The following ANKRD12 variants were observed in gnomAD, a reference collection of about 807,000 sequenced individuals.
ANKRD12 encodes the protein ankyrin repeat domain 12, also known as ankyrin repeat domain-containing protein 12.
ANKRD12 carries 85 observed loss-of-function variants against 183.4 expected under a neutral mutation model. That is an observed-to-expected ratio of 0.46 (90% CI 0.39 to 0.56). ANKRD12 has a LOEUF of 0.56. Ranked by LOEUF, ANKRD12 falls within the 20% of genes least tolerant of loss-of-function variation. The pLI is 0.00. For missense variants in ANKRD12, 2,405 were observed against 2,357.1 expected (o/e 1.02, Z -0.42); for synonymous variants, 914 against 800.2 (o/e 1.14, Z -2.40).
At chr18:9,138,260 C>G (rs535345938) in intron 1 of ANKRD12, among the ~76,000 whole-genome samples, 1 of 152,330 alleles carries the variant, frequency 6.6e-6, no homozygotes, top group Admixed American at 6.5e-5. Flanking sequence ...TGCCTATAAT[C>G]CCAGCACTTT....
chr18:9,184,425 C>G (rs961666390), intron 2 of ANKRD12, among the ~76,000 whole-genome samples: 5 of 151,768 alleles, frequency 3.3e-5, no homozygotes, highest in Admixed American at 2.6e-4. Context: ...GAATTTTGCT[C>G]TCTTACCCAG....
At chr18:9,254,089 T>A in intron 8 of ANKRD12, 122 bp from the exon 9 acceptor site, 1 of 1,103,404 alleles carries the variant, frequency 9.1e-7, no homozygotes. Context: ...AAATCTGAAG[T>A]GATTATGAAT....
intron 11 of ANKRD12, among the ~76,000 whole-genome samples, chr18:9,278,808 G>A (rs971795505): frequency 5.9e-5 from 9 of 151,966 alleles, no homozygotes; most frequent in African/African-American, 2.2e-4. Flanking sequence ...AAATGTGAGT[G>A]TGGGAGCTAC....
At chr18:9,173,067 ATTTTTTTT>A (rs35322750) in intron 1 of ANKRD12, among the ~76,000 whole-genome samples, 1 of 122,238 alleles carries the variant, frequency 8.2e-6, no homozygotes, top group Admixed American at 8.2e-5. Flanking sequence ...GAGGTTGCTG[ATTTTTTTT>A]TTTTTTTTTT....
Position 9,257,157 on chromosome 18 carries a change from T to C in ANKRD12, c.3890T>C (p.Ile1297Thr). ...TCTTCTGTAGAAGATGTTAAACTAA[T>C]TATAAGCGAGGGGAGACCTACCATA... Reference protein sequence around the residue: ...RSSSVEDVKLIISEGRPTIEV... With the variant: ...RSSSVEDVKLTISEGRPTIEV... Residue 1297 changes from isoleucine (I) to threonine (T), a missense_variant, in exon 9 of 13, where the codon ATT (isoleucine) becomes ACT (threonine). Coordinates refer to ENST00000262126, the MANE Select transcript of ANKRD12 (RefSeq NM_015208.5). 5 of 1,614,142 alleles carry C rather than the reference T, an allele frequency of 3.1e-6. No homozygotes were observed. Among genetic ancestry groups the C allele is most frequent in the South Asian group, 2.2e-5 (2 of 91,080 alleles).
intron 8 of ANKRD12, among the ~76,000 whole-genome samples, chr18:9,250,967 G>T (rs1203638868): frequency 6.6e-6 from 1 of 152,120 alleles, no homozygotes; most frequent in African/African-American, 2.4e-5. Context: ...ATCCAGGTTA[G>T]TTGACTAGAA....
intron 8 of ANKRD12, among the ~76,000 whole-genome samples, chr18:9,237,678 G>C (rs2037425813): frequency 6.6e-6 from 1 of 152,028 alleles, no homozygotes; most frequent in Admixed American, 6.5e-5. Flanking sequence ...AATGAACAGT[G>C]TTTTTAAAAT....
intron 1 of ANKRD12, among the ~76,000 whole-genome samples, chr18:9,165,924 A>G (rs535537620): frequency 1.4e-5 from 2 of 139,670 alleles, no homozygotes; most frequent in East Asian, 2.2e-4. Flanking sequence ...CCTGTGTCCA[A>G]GTGTTCTCAT....
chr18:9,204,388 G>A (rs2035361239), intron 3 of ANKRD12, 88 bp from the exon 4 acceptor site: 5 of 875,208 alleles, frequency 5.7e-6, no homozygotes, highest in Admixed American at 4.7e-5. Flanking sequence ...TTATTAACTG[G>A]TGGTCTTTTG....
At chr18:9,157,585 G>GTGTGTGTATATATATA (rs1472659778) in intron 1 of ANKRD12, among the ~76,000 whole-genome samples, 36 of 92,672 alleles carry the variant, frequency 3.9e-4, no homozygotes, top group African/African-American at 1.8e-3. Context: ...GTGTGTGTGT[G>GTGTGTGTATATATATA]TATATATATA....
chr18:9,189,954 TAAA>T (rs1289747726), intron 2 of ANKRD12, among the ~76,000 whole-genome samples: 1 of 152,216 alleles, frequency 6.6e-6, no homozygotes, highest in Non-Finnish European at 1.5e-5. Context: ...CAAGTCTTAT[TAAA>T]GAAGTATGCT....
intron 8 of ANKRD12, among the ~76,000 whole-genome samples, chr18:9,226,952 C>T (rs187803892): frequency 2.0e-5 from 3 of 152,122 alleles, no homozygotes; most frequent in African/African-American, 4.8e-5. Context: ...AATACCTGCT[C>T]CTAGACTGGA....
At chr18:9,174,601 G>T (rs1387150842) in intron 1 of ANKRD12, among the ~76,000 whole-genome samples, 1 of 152,302 alleles carries the variant, frequency 6.6e-6, no homozygotes, top group East Asian at 1.9e-4. Context: ...TTGGCTGGGG[G>T]TGGGGGTTCC....
At chr18:9,221,662 G>A (rs1031752783) in intron 7 of ANKRD12, among the ~76,000 whole-genome samples, 190 bp from the exon 8 acceptor site, 29 of 152,182 alleles carry the variant, frequency 1.9e-4, no homozygotes, top group African/African-American at 6.7e-4. Context: ...TAGTAGTTGA[G>A]GTTATCAGAT....
intron 1 of ANKRD12, among the ~76,000 whole-genome samples, chr18:9,168,976 T>C (rs1456130455): frequency 6.6e-6 from 1 of 152,234 alleles, no homozygotes; most frequent in Admixed American, 6.5e-5. Context: ...TTTCATTATT[T>C]ACCCAGTAGT....
chr18:9,230,688 T>C (rs1380723726), intron 8 of ANKRD12, among the ~76,000 whole-genome samples: 3 of 151,856 alleles, frequency 2.0e-5, no homozygotes, highest in Non-Finnish European at 4.4e-5. Flanking sequence ...AGACAGAGTC[T>C]AGCTCTGTTG....
chr18:9,188,045 T>G, intron 2 of ANKRD12, among the ~76,000 whole-genome samples: 1 of 152,224 alleles, frequency 6.6e-6, no homozygotes, highest in African/African-American at 2.4e-5. Flanking sequence ...CTGTGAAGGT[T>G]CTGAGATTTT....
intron 2 of ANKRD12, among the ~76,000 whole-genome samples, chr18:9,186,136 G>GTTTTTTTTTTTT (rs1280812557): frequency 3.4e-4 from 48 of 141,884 alleles, no homozygotes; most frequent in Non-Finnish European, 5.8e-4. Flanking sequence ...CTAAAAGTGT[G>GTTTTTTTTTTTT]ATTTTTTTTT....
At chr18:9,262,939 C>T (rs1390489856) in intron 9 of ANKRD12, among the ~76,000 whole-genome samples, 3 of 151,916 alleles carry the variant, frequency 2.0e-5, no homozygotes, top group African/African-American at 4.8e-5. Flanking sequence ...GTTAGGATTA[C>T]AGGCATGTGC....
Sources: gnomAD v4.1 joint callset for allele counts (sites outside exome capture counted in the v4.1 genomes callset) on GRCh38, gnomAD v4.1.1 for gene constraint, MANE v1.5 for transcripts, NCBI Gene and HGNC (gene_info 2026-07-23, HGNC 2026-07-21) for gene names.